The following DYTN variants were observed in gnomAD, a reference collection of about 807,000 sequenced individuals.
DYTN encodes the protein dystrotelin.
A neutral mutation model predicts 69.6 loss-of-function variants in DYTN; 75 were observed. The ratio of observed to expected loss-of-function variants is 1.08; its 90% CI spans 0.89 to 1.31. DYTN has a LOEUF of 1.31. Among genes scored for constraint, DYTN ranks in the 50% most tolerant of loss-of-function variants. The probability of loss-of-function intolerance (pLI) is 0.00; values close to 1 mark genes in which losing one functional copy is unlikely to be tolerated. For synonymous variants in DYTN, 252 were observed against 249.1 expected (o/e 1.01, Z -0.11); for missense variants, 726 against 688.4 (o/e 1.05, Z -0.61).
At chr2:206,693,613 T>C (rs1040621490) in intron 8 of DYTN, among the ~76,000 whole-genome samples, 12 of 152,332 alleles carry the variant, frequency 7.9e-5, no homozygotes, top group Non-Finnish European at 1.6e-4. Flanking sequence ...GGACTAAGCC[T>C]GTGGTTGCTC....
intron 2 of DYTN, among the ~76,000 whole-genome samples, chr2:206,707,796 A>G (rs574166618): frequency 2.6e-5 from 4 of 152,348 alleles, no homozygotes; most frequent in African/African-American, 9.6e-5. Context: ...GAAGTTAAAA[A>G]GGGAAGTGAG....
chr2:206,716,451 C>T (rs746730847), intron 1 of DYTN, among the ~76,000 whole-genome samples: 53 of 152,272 alleles, frequency 3.5e-4, no homozygotes, highest in Non-Finnish European at 5.0e-4. Flanking sequence ...TAAACATTGT[C>T]GCCCAAACAA....
At chr2:206,711,355 T>C (rs1178225693) in intron 1 of DYTN, among the ~76,000 whole-genome samples, 1 of 152,146 alleles carries the variant, frequency 6.6e-6, no homozygotes, top group African/African-American at 2.4e-5. Flanking sequence ...CATTTCACAG[T>C]GTAGAGGAGA....
chr2:206,661,182 CA>C (rs773311144), intron 11 of DYTN, among the ~76,000 whole-genome samples: 3 of 152,204 alleles, frequency 2.0e-5, no homozygotes, highest in Admixed American at 1.3e-4. Context: ...ACACTGCTGA[CA>C]CCCTGATCTT....
At chr2:206,668,848 C>G (rs564235984) in intron 9 of DYTN, among the ~76,000 whole-genome samples, 1 of 152,242 alleles carries the variant, frequency 6.6e-6, no homozygotes, top group Non-Finnish European at 1.5e-5. Context: ...GTGAGTGAGT[C>G]TCACGAGATC....
intron 9 of DYTN, among the ~76,000 whole-genome samples, chr2:206,685,908 C>T (rs887330257): frequency 2.0e-5 from 3 of 151,268 alleles, no homozygotes; most frequent in African/African-American, 4.9e-5. Flanking sequence ...GAGCAAGGGA[C>T]GCTTTTTTCT....
At chr2:206,666,734 TGTGC>T (rs1309266904) in intron 9 of DYTN, among the ~76,000 whole-genome samples, 1 of 111,724 alleles carries the variant, frequency 9.0e-6, no homozygotes, top group South Asian at 2.9e-4. Context: ...CACTCATGGG[TGTGC>T]GTGTGTGTGT....
At chr2:206,708,911 C>T (rs1206258809) in intron 2 of DYTN, among the ~76,000 whole-genome samples, 2 of 152,174 alleles carry the variant, frequency 1.3e-5, no homozygotes, top group East Asian at 3.8e-4. Flanking sequence ...TGTGCATCCA[C>T]AAATTACGCT....
chr2:206,664,913 G>A (rs1210913117), intron 10 of DYTN, among the ~76,000 whole-genome samples: 1 of 152,144 alleles, frequency 6.6e-6, no homozygotes, highest in Non-Finnish European at 1.5e-5. Flanking sequence ...ACACAATCAT[G>A]CGTGGCTAAG....
chr2:206,707,403 T>C lies in DYTN; in HGVS notation c.195A>G (p.Ala65=). ...TGGCCTTCTGAAACAGCTCTTGGAG[T>C]GCCTGAGAAAGTTGCTGCACAGAAA... is the stretch of plus-strand genomic sequence containing the variant. ...HSLSVQQLSQ[A]LQELFQKARE... is the part of the protein sequence containing the mutation. The change falls in exon 3 of 12, where the codon GCA becomes GCG. Residue 65 remains alanine, a synonymous_variant. Transcript: ENST00000452335. 2 of 1,613,216 alleles carry C rather than the reference T, an allele frequency of 1.2e-6. No individual in the cohort carries two copies. Among genetic ancestry groups the C allele is most frequent in the Non-Finnish European group, 1.7e-6 (2 of 1,179,704 alleles).
At position 206,669,153 on chromosome 2, in the gene DYTN, A is replaced by G. The variant is rs185872401; in HGVS notation, c.981-3124T>C. Among the ~76,000 whole-genome samples, 369 of 152,304 alleles carry G rather than the reference A, an allele frequency of 2.4e-3. 6 individuals are homozygous for G. The highest frequency in any genetic ancestry group is 0.022 in the Admixed American group (343 of 15,280). ...TACTCTTTCTGTTAATGTGTCTGAG[A>G]CTGTTGCTTTTAAAATAATCAGTGA... On this transcript the variant is annotated intron_variant, in intron 9 of 11. Transcript: ENST00000452335.
intron 9 of DYTN, among the ~76,000 whole-genome samples, chr2:206,690,152 C>CTTTT (rs1699849401): frequency 6.6e-6 from 1 of 152,144 alleles, no homozygotes; most frequent in African/African-American, 2.4e-5. Context: ...CAGGAAAGGC[C>CTTTT]TTCAGGATGA....
intron 9 of DYTN, among the ~76,000 whole-genome samples, chr2:206,671,472 A>G (rs1699629374): frequency 6.6e-6 from 1 of 152,224 alleles, no homozygotes; most frequent in South Asian, 2.1e-4. Context: ...CGTGCATAGC[A>G]TAGTCTTTGA....
In DYTN at chr2:206,696,418, C is replaced by T. The variant is rs571324454; in HGVS notation, c.720-1541G>A. Among the ~76,000 whole-genome samples, 4 of 152,156 alleles carry T rather than the reference C, an allele frequency of 2.6e-5. No homozygotes were observed. In the South Asian group the frequency reaches 8.3e-4, roughly 32 times the overall value. On this transcript the variant is annotated intron_variant, in intron 7 of 11. Transcript: ENST00000452335. ...TACCTTGAGATCGCCCCTCAGCTAC[C>T]CTTGTTTACTGCTGTACTTCCAACC...
rs146972454 is a variant in DYTN, at chr2:206,685,190, C to T, written c.980+7985G>A. ...TATTTATTTATTTATTATTTTGAAA[C>T]ATTTTCACCCAGGCTGGAGTGAGTG... is the stretch of plus-strand genomic sequence containing the variant. On this transcript the variant is annotated intron_variant, in intron 9 of 11. Transcript: ENST00000452335. Among the ~76,000 whole-genome samples, 238 of 149,100 alleles carry T rather than the reference C, an allele frequency of 1.6e-3. 3 individuals carry two copies. In the East Asian group the frequency reaches 0.038, roughly 24 times the overall value.
intron 11 of DYTN, among the ~76,000 whole-genome samples, chr2:206,660,980 G>A (rs969724289): frequency 5.9e-5 from 9 of 152,160 alleles, no homozygotes; most frequent in African/African-American, 2.2e-4. Context: ...TGTATTTGGA[G>A]ACAGGGTCTT....
At chr2:206,707,104 A>G (rs534636446) in intron 3 of DYTN, among the ~76,000 whole-genome samples, 198 bp downstream of exon 3, 2 of 152,212 alleles carry the variant, frequency 1.3e-5, no homozygotes, top group East Asian at 1.9e-4. Context: ...TTTGCTATCC[A>G]TGGGTCATTT....
At chr2:206,676,287 A>G (rs1699685813) in intron 9 of DYTN, among the ~76,000 whole-genome samples, 1 of 152,228 alleles carries the variant, frequency 6.6e-6, no homozygotes, top group Admixed American at 6.5e-5. Context: ...AGGGACATGG[A>G]TGAAGCTAGA....
chr2:206,666,238 C>A (rs1699571431), intron 9 of DYTN, among the ~76,000 whole-genome samples: 1 of 152,130 alleles, frequency 6.6e-6, no homozygotes, highest in South Asian at 2.1e-4. Context: ...GCAACCTCTG[C>A]CTCTTGGGTT....
Sources: gnomAD v4.1 joint callset for allele counts (sites outside exome capture counted in the v4.1 genomes callset) on GRCh38, gnomAD v4.1.1 for gene constraint, MANE v1.5 for transcripts, NCBI Gene and HGNC (gene_info 2026-07-23, HGNC 2026-07-21) for gene names.